The following KASH5 variants were observed in gnomAD, a reference collection of about 807,000 sequenced individuals.
KASH5 encodes the protein protein KASH5.
KASH5 carries 72 observed loss-of-function variants against 84.2 expected under a neutral mutation model. The ratio of observed to expected loss-of-function variants is 0.85; its 90% CI spans 0.71 to 1.04. The LOEUF (loss-of-function observed/expected upper bound fraction) is 1.04. Ranked by LOEUF, KASH5 falls within the 50% of genes least tolerant of loss-of-function variation. The pLI is 0.00. For missense variants in KASH5, 650 were observed against 701.0 expected, an observed-to-expected ratio of 0.93 and a Z score of 0.82; for synonymous variants, 260 against 279.1, an observed-to-expected ratio of 0.93 and a Z score of 0.68.
rs1354044014 is a variant in KASH5 at position 49,417,393 on chromosome 19, A to C, written c.1572A>C (p.Pro524=). The C allele has an allele frequency of 1.3e-6, 2 of 1,554,394 alleles. No individual in the cohort carries two copies. The highest frequency in any genetic ancestry group is 4.9e-5 in the East Asian group (2 of 41,088). The change falls in exon 20 of 20, where the codon CCA becomes CCC. Residue 524 remains proline (P), a synonymous_variant. Transcript: ENST00000447857. This position sits in a 1 kb window ranked among gnomAD's most constrained non-coding sequence, Gnocchi z 5.2. ...GAGTCACTCGACATCCACTGATCCC[A>C]GCTCCTGTCCTGGGCCTGCTGCTGC... ...RLRVTRHPLI[P]APVLGLLLLL...
At chr19:49,407,004 C>T (rs1269685072) in intron 10 of KASH5, 41 bp downstream of exon 10, 10 of 1,542,518 alleles carry the variant, frequency 6.5e-6, no homozygotes, top group African/African-American at 1.4e-5. Flanking sequence ...TCCACCACCC[C>T]GGGGCCATTT....
chr19:49,405,456 CAA>C (rs58604196), intron 9 of KASH5, among the ~76,000 whole-genome samples: 45 of 90,392 alleles, frequency 5.0e-4, no homozygotes, highest in Admixed American at 7.5e-4. Context: ...AAACTCCTCT[CAA>C]AAAAAAAAAA....
chr19:49,403,241 C>T (rs866763899), intron 9 of KASH5, among the ~76,000 whole-genome samples: 18 of 152,306 alleles, frequency 1.2e-4, no homozygotes, highest in African/African-American at 3.1e-4. Context: ...GGCATGGCGG[C>T]GGGCCGCTAT....
chr19:49,400,353 C>CTTTTTTTTTTTTTTTTTTT (rs36066335), intron 9 of KASH5, among the ~76,000 whole-genome samples: 5 of 124,210 alleles, frequency 4.0e-5, no homozygotes, highest in Admixed American at 8.6e-5. Context: ...CTTTTAGTTT[C>CTTTTTTTTTTTTTTTTTTT]TTTTTTTTTT....
intron 1 of KASH5, chr19:49,390,098 G>C (rs1229771250): frequency 1.3e-5 from 2 of 152,460 alleles, no homozygotes; most frequent in Non-Finnish European, 2.9e-5. Flanking sequence ...GGAGGATCAG[G>C]AGCAGGGGCA....
At position 49,388,914 on chromosome 19, in the gene KASH5, G is replaced by T. The variant is rs551556173; in HGVS notation, c.-96+587G>T. ...CAGAGATCCCCAGAAATCCTGGCAG[G>T]TCCCCTCCCAAACCCAGTCGGACCT... On this transcript the variant is annotated intron_variant, in intron 1 of 19. Transcript: ENST00000447857. 4.6e-5 allele frequency among the ~76,000 whole-genome samples: 7 copies of T among 151,814 alleles called. No homozygotes were observed. The East Asian group carries it at 9.7e-4, about 21-fold the overall frequency.
At chr19:49,406,234 C>A (rs910451498) in intron 9 of KASH5, among the ~76,000 whole-genome samples, 2 of 151,764 alleles carry the variant, frequency 1.3e-5, no homozygotes, top group African/African-American at 4.8e-5. Context: ...GGATAACAGG[C>A]TGCTTATATT....
At chr19:49,401,377 C>T (rs1251575177) in intron 9 of KASH5, among the ~76,000 whole-genome samples, 2 of 152,150 alleles carry the variant, frequency 1.3e-5, no homozygotes, top group African/African-American at 4.8e-5. Flanking sequence ...TAGCAAAGTC[C>T]CTGTCCGTCA....
chr19:49,405,517 G>A (rs1282516913), intron 9 of KASH5, among the ~76,000 whole-genome samples: 1 of 151,704 alleles, frequency 6.6e-6, no homozygotes, highest in Non-Finnish European at 1.5e-5. Context: ...AGATGATACT[G>A]AGTTATTGTT....
chr19:49,403,862 C>A (rs1435138082), intron 9 of KASH5, among the ~76,000 whole-genome samples: 1 of 152,228 alleles, frequency 6.6e-6, no homozygotes, highest in African/African-American at 2.4e-5. Flanking sequence ...CTCCCCTCTA[C>A]CTTCCCCCTC....
chr19:49,402,376 C>G (rs920618130), intron 9 of KASH5, among the ~76,000 whole-genome samples: 2 of 144,790 alleles, frequency 1.4e-5, no homozygotes, highest in African/African-American at 5.1e-5. Context: ...AGTGAGAGCC[C>G]GTCTCTATAA....
intron 1 of KASH5, 102 bp from the exon 2 acceptor site, chr19:49,390,686 AC>A: frequency 1.8e-6 from 1 of 551,934 alleles, no homozygotes. Context: ...GGGGTGACAA[AC>A]AGGTTGTGAG....
intron 11 of KASH5, 59 bp from the exon 12 acceptor site, chr19:49,407,553 C>T (rs1322937863): frequency 5.3e-6 from 8 of 1,515,776 alleles, no homozygotes; most frequent in Non-Finnish European, 5.4e-6. Context: ...CCCGCCACCA[C>T]CACCCCCAGT....
intron 9 of KASH5, among the ~76,000 whole-genome samples, chr19:49,404,048 T>C (rs547074309): frequency 6.6e-6 from 1 of 152,338 alleles, no homozygotes; most frequent in East Asian, 1.9e-4. Context: ...CCAGGTTCCC[T>C]GCCGAGTGGC....
rs377124890 is a variant in KASH5, at chr19:49,417,451, T to A, written c.1630T>A (p.Ser544Thr). 5.5e-5 allele frequency: 86 copies of A among 1,554,686 alleles called. No individual in the cohort carries two copies. The African/African-American group carries it at 1.1e-3, about 20-fold the overall frequency. ...LLLSVLLLGP[S>T]PPPTWPHLQL... ...GCTCTCTGTCCTGCTGCTTGGCCCG[T>A]CCCCACCTCCCACCTGGCCCCACCT... Residue 544 changes from serine (S) to threonine (T), a missense_variant, in exon 20 of 20, where the codon TCC (serine) becomes ACC (threonine). By Grantham distance (58) the Ser-to-Thr change is moderately conservative. Coordinates refer to ENST00000447857, the MANE Select transcript of KASH5 (RefSeq NM_144688.5). The surrounding 1 kb of genome is among the most constrained non-coding windows in gnomAD (Gnocchi z 5.2).
chr19:49,412,535 C>T lies in KASH5; in HGVS notation c.1270-433C>T, dbSNP rs1167517932. Among the ~76,000 whole-genome samples, 5 of 152,066 alleles carry T rather than the reference C, an allele frequency of 3.3e-5. No individual in the cohort carries two copies. Among genetic ancestry groups the T allele is most frequent in the African/African-American group, 9.7e-5 (4 of 41,380 alleles). On this transcript the variant is annotated intron_variant, in intron 15 of 19. Transcript: ENST00000447857. This position sits in a 1 kb window ranked among gnomAD's most constrained non-coding sequence, Gnocchi z 4.6. ...AATGCCAATATGTCTCTGGAGAAACCGAGAGGTACTTGGGTCCTGAGGGAG... is the reference window on the plus strand; with the variant it reads ...AATGCCAATATGTCTCTGGAGAAACTGAGAGGTACTTGGGTCCTGAGGGAG...
rs1568610520 is a variant in KASH5 at position 49,395,209 on chromosome 19, T to G, written c.252T>G (p.Asn84Lys). 1 of 1,612,244 alleles carries G rather than the reference T, an allele frequency of 6.2e-7. No homozygotes were observed. The highest frequency in any genetic ancestry group is 8.5e-7 in the Non-Finnish European group (1 of 1,179,326). Residue 84 changes from asparagine (N) to lysine (K), a missense_variant, in exon 4 of 20, where the codon AAT (asparagine) becomes AAG (lysine). Physicochemically the swap from Asn to Lys is moderately conservative, Grantham distance 94 (BLOSUM62 0). Coordinates refer to ENST00000447857, the MANE Select transcript of KASH5 (RefSeq NM_144688.5). This position sits in a 1 kb window ranked among gnomAD's most constrained non-coding sequence, Gnocchi z 4.4. ...LQTLANSLDP[N>K]GEGPKATVDL... The stretch of plus-strand genomic sequence containing the variant: ...CATTGGCCAACAGCCTGGACCCCAA[T>G]GGGGAGGGCCCTAAGGCCACTGTGG...
In KASH5 at chr19:49,417,117, C is replaced by T; in HGVS notation, c.1439+38C>T. 1 of 1,607,958 alleles carries T rather than the reference C, an allele frequency of 6.2e-7. No homozygotes were observed. ...ACAGGGTCCAGGAGGGACACTGGGG[C>T]AAGGAAAAACCCAGTGGTGATTCCC... is the stretch of plus-strand genomic sequence containing the variant. On this transcript the variant is annotated intron_variant, in intron 18 of 19. Transcript: ENST00000447857. This position sits in a 1 kb window ranked among gnomAD's most constrained non-coding sequence, Gnocchi z 5.2.
intron 10 of KASH5, 102 bp from the exon 11 acceptor site, chr19:49,407,138 T>C (rs752197722): frequency 3.8e-4 from 546 of 1,424,264 alleles, no homozygotes; most frequent in Non-Finnish European, 3.3e-4. Flanking sequence ...CTCAGGAGGC[T>C]GAATACGTGG....
Sources: allele counts gnomAD v4.1 joint callset (sites outside exome capture counted in the v4.1 genomes callset), GRCh38; gene constraint gnomAD v4.1.1; non-coding constraint Gnocchi (gnomAD v3.1); transcripts MANE v1.5; gene names NCBI Gene and HGNC (gene_info 2026-07-23, HGNC 2026-07-21).